Variants in BAZ2A observed in about 807,000 individuals in gnomAD.
BAZ2A encodes the protein bromodomain adjacent to zinc finger domain protein 2A.
In BAZ2A, 34 loss-of-function variants were observed where a neutral mutation model predicts 199.9. That is an observed-to-expected ratio of 0.17 (90% CI 0.13 to 0.23). The LOEUF is 0.23. Among genes scored for constraint, BAZ2A ranks in the 10% least tolerant of loss-of-function variants. The probability of loss-of-function intolerance (pLI) is 1.00; values close to 1 mark genes in which losing one functional copy is unlikely to be tolerated. For synonymous variants in BAZ2A, 857 were observed against 883.9 expected (o/e 0.97, Z 0.54); for missense variants, 2,002 against 2,391.1 (o/e 0.84, Z 3.39).
Position 56,599,178 on chromosome 12 carries a change from G to T in BAZ2A, c.5353C>A (p.Arg1785=). The change falls in exon 27 of 29, where the codon CGG becomes AGG. Residue 1785 remains arginine (R), a synonymous_variant. Transcript: ENST00000549884. The part of the protein sequence containing the change: ...YSEEGLSPSK[R]RRLSMRNHHS... ...TGGTTCCGCATAGAGAGTCGCCGCC[G>T]CTTGGAGGGGGAGAGCCCTTCTTCC... 4 of 1,613,090 alleles carry T rather than the reference G, an allele frequency of 2.5e-6. No individual in the cohort carries two copies. The highest frequency in any genetic ancestry group is 3.4e-6 in the Non-Finnish European group (4 of 1,179,638).
Position 56,604,571 on chromosome 12 carries a change from T to A in BAZ2A, c.2963+14A>T. 1 of 1,560,380 alleles carries A rather than the reference T, an allele frequency of 6.4e-7. No homozygotes were observed. Among genetic ancestry groups the A allele is most frequent in the Non-Finnish European group, 8.7e-7 (1 of 1,151,286 alleles). On this transcript the variant is annotated intron_variant, in intron 15 of 28. Transcript: ENST00000549884. ...CAAGGGATACAATGACCATCCCCACTCCCAGCCTCTCACTTGATGATGAGG... is the reference window on the plus strand; with the variant it reads ...CAAGGGATACAATGACCATCCCCACACCCAGCCTCTCACTTGATGATGAGG...
intron 2 of BAZ2A, among the ~76,000 whole-genome samples, chr12:56,616,317 G>A (rs1464201711): frequency 2.0e-5 from 3 of 152,044 alleles, no homozygotes; most frequent in African/African-American, 4.8e-5. Flanking sequence ...GACTGAATTC[G>A]CTAGGGGCCC....
intron 4 of BAZ2A, among the ~76,000 whole-genome samples, chr12:56,613,479 C>T (rs1250010749): frequency 2.0e-5 from 3 of 152,096 alleles, no homozygotes; most frequent in African/African-American, 7.2e-5. Flanking sequence ...TCAAGACCAG[C>T]CTGGACAACA....
chr12:56,598,682 A>G lies in BAZ2A; in HGVS notation c.5648T>C (p.Ile1883Thr), dbSNP rs2136687428. 6.2e-7 allele frequency: 1 copy of G among 1,613,836 alleles called. No individual in the cohort carries two copies. The highest frequency in any genetic ancestry group is 8.5e-7 in the Non-Finnish European group (1 of 1,179,838). Residue 1883 changes from isoleucine to threonine, a missense_variant, in exon 29 of 29, where the codon ATC becomes ACC. This residue lies in a region of BAZ2A where 76 missense variants were observed against 139.3 expected (regional missense o/e 0.55). Coordinates refer to ENST00000549884, the MANE Select transcript of BAZ2A (RefSeq NM_001300905.2). ...GCGGCTCTCGAAGAAGCGGCGCATG[A>G]TGTGCCCAGCCTTGCCTACTTCAGA... ...DDSEVGKAGHIMRRFFESRWE... is the reference protein window; with the variant it reads ...DDSEVGKAGHTMRRFFESRWE...
chr12:56,614,325 T>C (rs574568137), intron 3 of BAZ2A, 187 bp from the exon 4 acceptor site: 4 of 568,292 alleles, frequency 7.0e-6, no homozygotes, highest in African/African-American at 3.7e-5. Context: ...AAATCAATCC[T>C]ACAGCAGGCA....
In BAZ2A at chr12:56,604,762, G is replaced by T; in HGVS notation, c.2786C>A (p.Pro929Gln). ...KILGEKVSEI[P>Q]LTRDNVSEIL... ...CTCTGACACATTGTCTCTTGTCAGT[G>T]GGATCTCAGACACCTTCTCCCCCAA... The change falls in exon 15 of 29, where the codon CCA (proline) becomes CAA (glutamine). Residue 929 changes from proline to glutamine, a missense_variant. Pro to Gln is a moderately conservative substitution (Grantham distance 76). Around this residue, in one of 6 missense-constraint regions of BAZ2A, gnomAD observed 1,081 missense variants for 1,274.7 expected, o/e 0.85. Coordinates refer to ENST00000549884, the MANE Select transcript of BAZ2A (RefSeq NM_001300905.2). 1 of 1,613,852 alleles carries T rather than the reference G, an allele frequency of 6.2e-7. No individual in the cohort carries two copies. Among genetic ancestry groups the T allele is most frequent in the Admixed American group, 1.7e-5 (1 of 60,012 alleles).
intron 3 of BAZ2A, 21 bp from the exon 4 acceptor site, chr12:56,614,159 C>G (rs768552228): frequency 9.3e-6 from 15 of 1,606,506 alleles, no homozygotes; most frequent in Non-Finnish European, 1.2e-5. Context: ...ACAGGAGAGA[C>G]CAAAAGTCAA....
chr12:56,607,720 CAT>C (rs1950410805), intron 10 of BAZ2A, among the ~76,000 whole-genome samples: 1 of 152,180 alleles, frequency 6.6e-6, no homozygotes. Flanking sequence ...AACGCCACCA[CAT>C]GTCTACGTGA....
intron 10 of BAZ2A, 55 bp downstream of exon 10, chr12:56,609,681 A>T: frequency 3.9e-6 from 6 of 1,536,332 alleles, no homozygotes; most frequent in Non-Finnish European, 4.5e-6. Context: ...ATTCATCAAC[A>T]TTTTAGATAC....
intron 16 of BAZ2A, 104 bp from the exon 17 acceptor site, chr12:56,603,804 G>A (rs982958025): frequency 3.0e-6 from 4 of 1,313,850 alleles, no homozygotes; most frequent in Non-Finnish European, 4.2e-6. Context: ...CCTGAGGTCA[G>A]GAGTTCGAGA....
intron 7 of BAZ2A, chr12:56,611,182 A>G: frequency 3.6e-6 from 1 of 275,304 alleles, no homozygotes; most frequent in Middle Eastern, 1.2e-3. Flanking sequence ...TACCTCTCCT[A>G]AGAGCATTAA....
rs145372483 is a variant in BAZ2A, at chr12:56,614,092, C to T, written c.777G>A (p.Ser259=). 4.0e-5 allele frequency: 64 copies of T among 1,613,970 alleles called. No homozygotes were observed. The highest frequency in any genetic ancestry group is 3.9e-4 in the African/African-American group (29 of 75,032). Residue 259 remains serine, a synonymous_variant, in exon 4 of 29, where the codon TCG becomes TCA. Transcript: ENST00000549884. The part of the protein sequence containing the change: ...GYNGSVPSVE[S]LHQEVSVLVP... The stretch of plus-strand genomic sequence containing the variant: ...CCAGGACTGAGACCTCTTGGTGTAA[C>T]GATTCCACAGAAGGGACAGAGCCAT...
Position 56,599,182 on chromosome 12 carries a change from G to A in BAZ2A, c.5349C>T (p.Ser1783=). Residue 1783 remains serine, a synonymous_variant, in exon 27 of 29, where the codon TCC becomes TCT. Coordinates refer to ENST00000549884, the MANE Select transcript of BAZ2A (RefSeq NM_001300905.2). ...TCCGCATAGAGAGTCGCCGCCGCTT[G>A]GAGGGGGAGAGCCCTTCTTCCGAGT... ...PRYSEEGLSP[S]KRRRLSMRNH... The A allele has an allele frequency of 6.2e-7, 1 of 1,613,294 alleles. No individual in the cohort carries two copies.
intron 1 of BAZ2A, among the ~76,000 whole-genome samples, chr12:56,619,163 G>A (rs1950823341): frequency 6.6e-6 from 1 of 151,866 alleles, no homozygotes; most frequent in African/African-American, 2.4e-5. Flanking sequence ...GGCCAACATG[G>A]TGAAACCCTA....
chr12:56,614,350 G>A (rs1222517616), intron 3 of BAZ2A: 1 of 511,248 alleles, frequency 2.0e-6, no homozygotes, highest in Non-Finnish European at 3.5e-6. Flanking sequence ...GAGGAAAAGA[G>A]AGTGGGGTCT....
In BAZ2A at chr12:56,599,172, G is replaced by A. The variant is rs767230458; in HGVS notation, c.5359C>T (p.Arg1787Ter). 6.2e-7 allele frequency: 1 copy of A among 1,612,770 alleles called. No individual in the cohort carries two copies. The highest frequency in any genetic ancestry group is 8.5e-7 in the Non-Finnish European group (1 of 1,179,492). Residue 1787 changes from arginine (R) to a stop codon, truncating the protein, a stop_gained, in exon 27 of 29, where the codon CGA (arginine) becomes TGA (stop). Transcript: ENST00000549884. LOFTEE classifies it high-confidence loss of function. ...CTGTGGTGGTTCCGCATAGAGAGTC[G>A]CCGCCGCTTGGAGGGGGAGAGCCCT... The part of the protein sequence containing the change: ...EEGLSPSKRR[R>*]LSMRNHHSDL...
In BAZ2A at chr12:56,617,486, T is replaced by A; in HGVS notation, c.45A>T (p.Ala15=). 1 of 1,609,552 alleles carries A rather than the reference T, an allele frequency of 6.2e-7. No homozygotes were observed. Among genetic ancestry groups the A allele is most frequent in the African/African-American group, 1.3e-5 (1 of 74,838 alleles). Residue 15 remains alanine (A), a synonymous_variant, in exon 2 of 29, where the codon GCA becomes GCT. Transcript: ENST00000549884. ...DHFNFTGLPP[A]PAASGLKPSP... is the part of the protein sequence containing the mutation. ...AGGGTTTCAGTCCTGAGGCAGCAGG[T>A]GCAGGGGGAAGGCCAGTAAAGTTAA...
chr12:56,619,426 T>C (rs1237954800), intron 1 of BAZ2A, among the ~76,000 whole-genome samples: 1 of 150,238 alleles, frequency 6.7e-6, no homozygotes, highest in Non-Finnish European at 1.5e-5. Flanking sequence ...GAAGGATCAC[T>C]TGAGCCCAGG....
At chr12:56,602,956 C>T in intron 18 of BAZ2A, 99 bp from the exon 19 acceptor site, 1 of 1,362,548 alleles carries the variant, frequency 7.3e-7, no homozygotes, top group Non-Finnish European at 1.0e-6. Flanking sequence ...CTCTCAGTCC[C>T]TCTATAAAAG....
Sources: allele counts gnomAD v4.1 joint callset (sites outside exome capture counted in the v4.1 genomes callset), GRCh38; gene constraint gnomAD v4.1.1; regional missense constraint gnomAD v4.1.1; transcripts MANE v1.5; gene names NCBI Gene and HGNC (gene_info 2026-07-23, HGNC 2026-07-21).